The following SHISA5 variants were observed in gnomAD, a reference collection of about 807,000 sequenced individuals.
SHISA5 encodes the protein shisa family member 5.
Under a neutral mutation model 27.5 loss-of-function variants are expected in SHISA5, and 21 were observed. The observed-to-expected ratio is 0.76, with a 90% CI of 0.54 to 1.10. The LOEUF (loss-of-function observed/expected upper bound fraction) is 1.10. Among genes scored for constraint, SHISA5 ranks in the 50% least tolerant of loss-of-function variants. The pLI is 0.00. For synonymous variants in SHISA5, 137 were observed against 142.2 expected, an observed-to-expected ratio of 0.96 and a Z score of 0.26; for missense variants, 314 against 336.3, an observed-to-expected ratio of 0.93 and a Z score of 0.52.
chr3:48,491,451 T>C lies in SHISA5; in HGVS notation c.233+9686A>G, dbSNP rs541831658. 1.6e-4 allele frequency among the ~76,000 whole-genome samples: 25 copies of C among 152,208 alleles called. 1 individual carries two copies. The South Asian group carries it at 5.2e-3, about 32-fold the overall frequency. On this transcript the variant is annotated intron_variant, in intron 2 of 5. Coordinates refer to ENST00000296444, the MANE Select transcript of SHISA5 (RefSeq NM_016479.6). ...GTATTTCTTTAATGTATTTGATTGA[T>C]GTCTCATGCCTCTCTAAAATGTATG...
In SHISA5 at chr3:48,501,165, C is replaced by G. The variant is rs1231841738; in HGVS notation, c.205G>C (p.Glu69Gln). The change falls in exon 2 of 6, where the codon GAG becomes CAG. Residue 69 changes from glutamate (E) to glutamine (Q), a missense_variant. Coordinates refer to ENST00000296444, the MANE Select transcript of SHISA5 (RefSeq NM_016479.6). ...SDVLKKFVWS[E>Q]ERCAVPEASV... ...GCCTCAGGCACAGCACACCTTTCCT[C>G]GCTCCACACAAATTTCTTCAGCACG... is the stretch of plus-strand genomic sequence containing the variant. The G allele has an allele frequency of 1.9e-6, 3 of 1,610,028 alleles. No homozygotes were observed. Among genetic ancestry groups the G allele is most frequent in the Middle Eastern group, 1.7e-4 (1 of 6,050 alleles).
chr3:48,502,515 A>G (rs1443666077), intron 1 of SHISA5: 4 of 393,986 alleles, frequency 1.0e-5, no homozygotes, highest in African/African-American at 4.2e-5. Flanking sequence ...ACAAGTCTCA[A>G]TAAACGAGGT....
rs1265191139 is a variant in SHISA5 at position 48,468,275 on chromosome 3, C to G, written c.*832G>C. The G allele has an allele frequency of 2.0e-6, 2 of 1,008,452 alleles. No individual in the cohort carries two copies. The highest frequency in any genetic ancestry group is 5.0e-4 in the Middle Eastern group (1 of 1,996). The allele number at this position is 1,008,452 out of a possible 1,614,324, so 62.5% of individuals were successfully genotyped here. On this transcript the variant is annotated 3_prime_UTR_variant, in exon 6 of 6. Transcript: ENST00000296444. ...GTTTGGCTAAAATAAAATGAAAACA[C>G]TGCAGGGAAGAGAACTGAGTGTGCT...
intron 2 of SHISA5, among the ~76,000 whole-genome samples, chr3:48,497,350 G>A (rs1332603478): frequency 6.6e-5 from 9 of 136,264 alleles, no homozygotes; most frequent in African/African-American, 1.4e-4. Context: ...TGCAACCTCC[G>A]CCTCCTGGGT....
rs775841911 is a variant in SHISA5 at position 48,501,218 on chromosome 3, G to C, written c.152C>G (p.Thr51Ser). 2 of 1,614,120 alleles carry C rather than the reference G, an allele frequency of 1.2e-6. No homozygotes were observed. Among genetic ancestry groups the C allele is most frequent in the Non-Finnish European group, 1.7e-6 (2 of 1,180,010 alleles). ...AGAGCAGCAGTATTGGTCATCACAGGTACCACAGCAGAAATCTGGACAGGA... is the reference window on the plus strand; with the variant it reads ...AGAGCAGCAGTATTGGTCATCACAGCTACCACAGCAGAAATCTGGACAGGA... ...PESCPDFCCG[T>S]CDDQYCCSDV... Residue 51 changes from threonine to serine, a missense_variant, in exon 2 of 6, where the codon ACC (threonine) becomes AGC (serine). Thr to Ser is a moderately conservative substitution (Grantham distance 58). Coordinates refer to ENST00000296444, the MANE Select transcript of SHISA5 (RefSeq NM_016479.6).
At position 48,469,581 on chromosome 3, in the gene SHISA5, G is replaced by A. The variant is rs778817882; in HGVS notation, c.431-8C>T. 1.9e-6 allele frequency: 3 copies of A among 1,602,042 alleles called. No individual in the cohort carries two copies. The highest frequency in any genetic ancestry group is 2.6e-6 in the Non-Finnish European group (3 of 1,172,218). ...TGGTGGTGGTGACAACCGCTGCAAA[G>A]AGAATTCCAGTCAGGACCCTCCTCC... is the stretch of plus-strand genomic sequence containing the variant. On this transcript the variant is annotated splice_polypyrimidine_tract_variant and splice_region_variant and intron_variant, in intron 4 of 5. Transcript: ENST00000296444. The surrounding 1 kb of genome is among the most constrained non-coding windows in gnomAD (Gnocchi z 4.6).
rs376261634 is a variant in SHISA5, at chr3:48,487,164, A to C, written c.234-7907T>G. 8.5e-5 allele frequency among the ~76,000 whole-genome samples: 13 copies of C among 152,094 alleles called. No homozygotes were observed. In the East Asian group the frequency reaches 1.9e-3, roughly 23 times the overall value. The stretch of plus-strand genomic sequence containing the variant: ...CACACACACTCCCACACACTCCCAC[A>C]CAGATGCGCCTGCCAAGAGTTTTCT... On this transcript the variant is annotated intron_variant, in intron 2 of 5. Coordinates refer to ENST00000296444, the MANE Select transcript of SHISA5 (RefSeq NM_016479.6).
chr3:48,478,404 G>A (rs1431433443), intron 3 of SHISA5, among the ~76,000 whole-genome samples: 1 of 152,130 alleles, frequency 6.6e-6, no homozygotes, highest in Non-Finnish European at 1.5e-5. Context: ...TTCCTCCAAA[G>A]GGGAAACCCT....
chr3:48,504,262 A>AGGAGGGAGGAGGGAGGAAGGT (rs1428457336), upstream of SHISA5: 9 of 371,628 alleles, frequency 2.4e-5, no homozygotes, highest in African/African-American at 6.3e-5. The surrounding 1 kb of genome is among the most constrained non-coding windows in gnomAD (Gnocchi z 4.0). Context: ...AGGAGGAGGG[A>AGGAGGGAGGAGGGAGGAAGGT]GGAGGGAGGA....
rs574646695 is a variant in SHISA5, at chr3:48,468,455, T to C, written c.*652A>G. On this transcript the variant is annotated 3_prime_UTR_variant, in exon 6 of 6. Coordinates refer to ENST00000296444, the MANE Select transcript of SHISA5 (RefSeq NM_016479.6). Reference sequence around the variant, plus strand: ...GACAGTCCAGGCAGACAGGTACAGCTGAGTAGGGCTCTGCCTGAGGTGTTC... The same window carrying C: ...GACAGTCCAGGCAGACAGGTACAGCCGAGTAGGGCTCTGCCTGAGGTGTTC... 10 of 1,167,386 alleles carry C rather than the reference T, an allele frequency of 8.6e-6. No individual in the cohort carries two copies. The South Asian group carries it at 1.8e-4, about 20-fold the overall frequency. The allele number at this position is 1,167,386 out of a possible 1,614,324, so 72.3% of individuals were successfully genotyped here.
chr3:48,490,232 C>G (rs1158000822), intron 2 of SHISA5, among the ~76,000 whole-genome samples: 2 of 152,240 alleles, frequency 1.3e-5, no homozygotes, highest in Non-Finnish European at 2.9e-5. Context: ...CGCCACCATA[C>G]CCAGCTATTT....
intron 2 of SHISA5, among the ~76,000 whole-genome samples, chr3:48,495,183 T>C (rs1010447622): frequency 0.013 from 1,924 of 146,872 alleles, 175 homozygotes; most frequent in African/African-American, 0.02. Context: ...CCCTCACATA[T>C]GGCTGGTGGG....
At chr3:48,486,795 C>T (rs1191291797) in intron 2 of SHISA5, among the ~76,000 whole-genome samples, 1 of 148,952 alleles carries the variant, frequency 6.7e-6, no homozygotes, top group African/African-American at 2.5e-5. Context: ...GCCTGTAATC[C>T]CTGCAATGCC....
chr3:48,472,345 A>C (rs1041305688), intron 3 of SHISA5, among the ~76,000 whole-genome samples: 1 of 151,334 alleles, frequency 6.6e-6, no homozygotes, highest in Admixed American at 6.6e-5. Flanking sequence ...AAAAAAAAAG[A>C]ATTAGCCGGG....
intron 2 of SHISA5, among the ~76,000 whole-genome samples, chr3:48,480,623 G>T (rs2040977435): frequency 6.6e-6 from 1 of 152,108 alleles, no homozygotes; most frequent in Non-Finnish European, 1.5e-5. Flanking sequence ...GCCGGGCTCA[G>T]TGGCATGCAC....
intron 2 of SHISA5, among the ~76,000 whole-genome samples, chr3:48,481,537 T>C (rs2041013960): frequency 6.6e-6 from 1 of 152,092 alleles, no homozygotes; most frequent in Non-Finnish European, 1.5e-5. Flanking sequence ...ACGCCTGTAA[T>C]AACAGCACTT....
At chr3:48,503,556 C>A (rs2041815697) in intron 1 of SHISA5, among the ~76,000 whole-genome samples, 1 of 152,206 alleles carries the variant, frequency 6.6e-6, no homozygotes, top group Admixed American at 6.5e-5. Context: ...GTCTCCACCC[C>A]AGAGGCCAGC....
chr3:48,478,682 C>A (rs2040902348), intron 3 of SHISA5, among the ~76,000 whole-genome samples: 1 of 152,154 alleles, frequency 6.6e-6, no homozygotes, highest in East Asian at 1.9e-4. Context: ...CAAAGCTTCA[C>A]ACAGGAACTG....
intron 2 of SHISA5, among the ~76,000 whole-genome samples, chr3:48,480,848 G>T (rs2040984317): frequency 1.3e-5 from 2 of 152,026 alleles, no homozygotes; most frequent in South Asian, 4.1e-4. Flanking sequence ...TAATCCCAGT[G>T]CTTTGAGAGA....
Sources: allele counts gnomAD v4.1 joint callset (sites outside exome capture counted in the v4.1 genomes callset), GRCh38; gene constraint gnomAD v4.1.1; non-coding constraint Gnocchi (gnomAD v3.1); transcripts MANE v1.5; gene names NCBI Gene and HGNC (gene_info 2026-07-23, HGNC 2026-07-21).